AKT3: variants seen among roughly 807,000 people sequenced by gnomAD.
The protein encoded by AKT3 is RAC-gamma serine/threonine-protein kinase.
Under a neutral mutation model 65.3 loss-of-function variants are expected in AKT3, and 15 were observed. That is an observed-to-expected ratio of 0.23 (90% CI 0.15 to 0.35). AKT3 has a LOEUF of 0.35. Among genes scored for constraint, AKT3 ranks in the 10% least tolerant of loss-of-function variants. AKT3 has a pLI of 1.00. For missense variants in AKT3, 243 were observed against 576.5 expected (o/e 0.42, Z 5.92); for synonymous variants, 206 against 183.8 (o/e 1.12, Z -0.98).
At chr1:243,808,406 G>C (rs542237240) in intron 2 of AKT3, among the ~76,000 whole-genome samples, 14 of 152,160 alleles carry the variant, frequency 9.2e-5, no homozygotes, top group Non-Finnish European at 1.9e-4. Context: ...TAGCCGATTC[G>C]ATCAACTGGA....
intron 3 of AKT3, among the ~76,000 whole-genome samples, chr1:243,690,129 G>A (rs921131427): frequency 2.0e-5 from 3 of 152,096 alleles, no homozygotes; most frequent in Non-Finnish European, 4.4e-5. Flanking sequence ...AATTCTAGGA[G>A]AGGCTTCTTA....
In AKT3 at chr1:243,509,698, T is replaced by C. The variant is rs575744162; in HGVS notation, c.1354+2626A>G. Reference sequence around the variant, plus strand: ...CCCCTAAATGGACTGGCCCACAGCATACAGTAACACTATGGACTAGCCAAT... The same window carrying C: ...CCCCTAAATGGACTGGCCCACAGCACACAGTAACACTATGGACTAGCCAAT... On this transcript the variant is annotated intron_variant, in intron 13 of 13. Coordinates refer to ENST00000673466, the MANE Select transcript of AKT3 (RefSeq NM_005465.7). 2.0e-4 allele frequency among the ~76,000 whole-genome samples: 31 copies of C among 152,168 alleles called. 1 individual carries two copies. Among genetic ancestry groups the C allele is most frequent in the African/African-American group, 7.2e-4 (30 of 41,528 alleles).
intron 6 of AKT3, among the ~76,000 whole-genome samples, chr1:243,622,399 G>T (rs1239508739): frequency 6.6e-6 from 1 of 152,078 alleles, no homozygotes; most frequent in Non-Finnish European, 1.5e-5. Context: ...ACTTTTCTCT[G>T]TAAGTATGGA....
intron 12 of AKT3, among the ~76,000 whole-genome samples, chr1:243,529,483 G>A (rs1671378305): frequency 6.6e-6 from 1 of 152,094 alleles, no homozygotes; most frequent in African/African-American, 2.4e-5. Context: ...GTGTAAGAAA[G>A]GGGTCCAGTT....
At chr1:243,839,145 A>C (rs748110917) in intron 2 of AKT3, among the ~76,000 whole-genome samples, 107 of 152,274 alleles carry the variant, frequency 7.0e-4, no homozygotes, top group Non-Finnish European at 1.1e-3. Flanking sequence ...TAAGCCCTTA[A>C]TTAATACTAT....
At chr1:243,789,699 T>G (rs1691496902) in intron 2 of AKT3, among the ~76,000 whole-genome samples, 1 of 152,222 alleles carries the variant, frequency 6.6e-6, no homozygotes, top group African/African-American at 2.4e-5. Flanking sequence ...TTCACTGACT[T>G]TGCTCAGGGC....
chr1:243,520,373 A>C lies in AKT3; in HGVS notation c.1252-7947T>G, dbSNP rs180837795. On this transcript the variant is annotated intron_variant, in intron 12 of 13. Coordinates refer to ENST00000673466, the MANE Select transcript of AKT3 (RefSeq NM_005465.7). Reference sequence around the variant, plus strand: ...TTGGACTTTCGCCAGAAATATGAGAAAATGAATTTCTGTTGTTTAAACCAC... The same window carrying C: ...TTGGACTTTCGCCAGAAATATGAGACAATGAATTTCTGTTGTTTAAACCAC... 1.1e-3 allele frequency among the ~76,000 whole-genome samples: 170 copies of C among 152,332 alleles called. 2 individuals carry two copies. The East Asian group carries it at 0.018, about 16-fold the overall frequency.
intron 4 of AKT3, among the ~76,000 whole-genome samples, chr1:243,649,758 G>A (rs955303721): frequency 6.6e-6 from 1 of 152,062 alleles, no homozygotes; most frequent in Non-Finnish European, 1.5e-5. Context: ...CTTTTTTATG[G>A]CTGCATAGTA....
At chr1:243,729,716 T>C (rs1470006861) in intron 2 of AKT3, among the ~76,000 whole-genome samples, 5 of 152,206 alleles carry the variant, frequency 3.3e-5, no homozygotes, top group Non-Finnish European at 7.3e-5. Flanking sequence ...ATTCCAAATG[T>C]TGTATTTTAA....
At chr1:243,625,021 G>A (rs1163868917) in intron 6 of AKT3, 3 of 358,414 alleles carry the variant, frequency 8.4e-6, no homozygotes, top group Non-Finnish European at 1.7e-5. Context: ...AAGTTCTGTC[G>A]GTCAGCTTCC....
At chr1:243,493,479 T>C (rs1471376397) in intron 13 of AKT3, among the ~76,000 whole-genome samples, 1 of 152,194 alleles carries the variant, frequency 6.6e-6, no homozygotes, top group Non-Finnish European at 1.5e-5. Flanking sequence ...CTGTGTCTGC[T>C]TTCTTATTTG....
At chr1:243,495,531 C>T (rs542174467), downstream of AKT3, among the ~76,000 whole-genome samples, 13 of 152,268 alleles carry the variant, frequency 8.5e-5, no homozygotes, top group South Asian at 1.2e-3. Context: ...CGTGAGCCCC[C>T]GCCTGCTTTG....
intron 2 of AKT3, among the ~76,000 whole-genome samples, chr1:243,701,545 T>C (rs114855867): frequency 8.6e-5 from 13 of 151,722 alleles, no homozygotes; most frequent in African/African-American, 2.4e-4. Flanking sequence ...TATAAAACCA[T>C]AGCACTATTT....
intron 2 of AKT3, among the ~76,000 whole-genome samples, chr1:243,828,550 C>T (rs1189678363): frequency 6.6e-6 from 1 of 152,174 alleles, no homozygotes; most frequent in African/African-American, 2.4e-5. Flanking sequence ...TCTCTTCCTC[C>T]TCAGCCTACT....
intron 3 of AKT3, among the ~76,000 whole-genome samples, chr1:243,675,574 GT>G (rs886909010): frequency 2.0e-5 from 3 of 152,104 alleles, no homozygotes; most frequent in Non-Finnish European, 4.4e-5. Flanking sequence ...CCTCTCCTTC[GT>G]TTTGCTGGTA....
At chr1:243,832,401 G>A (rs1694597609) in intron 2 of AKT3, among the ~76,000 whole-genome samples, 1 of 152,028 alleles carries the variant, frequency 6.6e-6, no homozygotes, top group Non-Finnish European at 1.5e-5. Context: ...TGTGAATCAT[G>A]AAGCTTAAAT....
intron 2 of AKT3, among the ~76,000 whole-genome samples, chr1:243,762,935 CTAAGTA>C (rs1192197860): frequency 6.6e-6 from 1 of 152,042 alleles, no homozygotes; most frequent in East Asian, 1.9e-4. Context: ...ATTGATATTT[CTAAGTA>C]TAATTACTCA....
intron 13 of AKT3, among the ~76,000 whole-genome samples, chr1:243,511,473 T>G (rs1225113008): frequency 6.6e-6 from 1 of 151,830 alleles, no homozygotes; most frequent in Non-Finnish European, 1.5e-5. Flanking sequence ...TATGGATAAA[T>G]CTGCCTCCAA....
intron 8 of AKT3, among the ~76,000 whole-genome samples, chr1:243,575,715 T>C (rs1674891067): frequency 6.6e-6 from 1 of 152,130 alleles, no homozygotes; most frequent in Non-Finnish European, 1.5e-5. Flanking sequence ...ACCTAAGTTT[T>C]GAAGAATAGG....
Sources: allele counts gnomAD v4.1 joint callset (sites outside exome capture counted in the v4.1 genomes callset), GRCh38; gene constraint gnomAD v4.1.1; transcripts MANE v1.5; gene names NCBI Gene and HGNC (gene_info 2026-07-23, HGNC 2026-07-21).